EMID1: variants seen among roughly 807,000 people sequenced by gnomAD.
The protein encoded by EMID1 is EMI domain-containing protein 1.
Under a neutral mutation model 60.6 loss-of-function variants are expected in EMID1, and 40 were observed. The observed-to-expected ratio is 0.66, with a 90% CI of 0.51 to 0.86. EMID1 has a LOEUF of 0.86. EMID1 is among the 40% of genes least tolerant of loss of function. The pLI is 0.00. For missense variants in EMID1, 585 were observed against 597.1 expected, an observed-to-expected ratio of 0.98 and a Z score of 0.21; for synonymous variants, 242 against 231.0, an observed-to-expected ratio of 1.05 and a Z score of -0.43.
At chr22:29,207,476 G>T (rs1053156078) in intron 1 of EMID1, among the ~76,000 whole-genome samples, 1 of 151,998 alleles carries the variant, frequency 6.6e-6, no homozygotes, top group Non-Finnish European at 1.5e-5. Flanking sequence ...CAGATGCTAA[G>T]AGGACAGAGA....
At chr22:29,222,246 A>T (rs1173187979) in intron 3 of EMID1, among the ~76,000 whole-genome samples, 3 of 151,886 alleles carry the variant, frequency 2.0e-5, no homozygotes, top group African/African-American at 4.8e-5. Context: ...GGCATGCGCC[A>T]CCATACCCAG....
chr22:29,219,481 A>AAAATAGCCTAAGAAC (rs2040211005), intron 3 of EMID1, among the ~76,000 whole-genome samples: 1 of 152,178 alleles, frequency 6.6e-6, no homozygotes, highest in Non-Finnish European at 1.5e-5. Flanking sequence ...GGTCGACCAC[A>AAAATAGCCTAAGAAC]AAATAGCCTA....
chr22:29,230,776 A>T (rs1677266017), intron 5 of EMID1, among the ~76,000 whole-genome samples: 1 of 152,076 alleles, frequency 6.6e-6, no homozygotes, highest in South Asian at 2.1e-4. Flanking sequence ...ACATAGCGAG[A>T]CCTCGTCTCT....
At chr22:29,222,133 C>T (rs1292708814) in intron 3 of EMID1, among the ~76,000 whole-genome samples, 1 of 152,110 alleles carries the variant, frequency 6.6e-6, no homozygotes, top group Non-Finnish European at 1.5e-5. Context: ...TAGATAGGGT[C>T]TCACTCTTTC....
Position 29,205,989 on chromosome 22 carries a change from C to A in EMID1, c.-50C>A. 2.7e-6 allele frequency: 3 copies of A among 1,123,302 alleles called. No individual in the cohort carries two copies. Among genetic ancestry groups the A allele is most frequent in the Non-Finnish European group, 3.3e-6 (3 of 908,740 alleles). 69.6% of individuals were successfully genotyped at this position (1,123,302 alleles called of 1,614,324 possible). A position where few individuals can be genotyped will look rare whatever the true frequency, so the allele number is the denominator to read the frequency against. On this transcript the variant is annotated 5_prime_UTR_variant, in exon 1 of 15. The change creates a new upstream start codon in the 5' untranslated region. Coordinates refer to ENST00000334018, the MANE Select transcript of EMID1 (RefSeq NM_133455.4). ...CGGGCAGGCAGGCGGGGAGGACAGG[C>A]TGGGGGCGGCGACCGCGAGGGGCCG...
chr22:29,212,627 G>A (rs566672322), intron 1 of EMID1, among the ~76,000 whole-genome samples: 5 of 151,302 alleles, frequency 3.3e-5, no homozygotes, highest in East Asian at 2.0e-4. Context: ...GCAATGGTGC[G>A]ATCTCAGCTC....
At chr22:29,243,306 G>A (rs559106406) in intron 12 of EMID1, 139 bp from the exon 13 acceptor site, 1 of 798,754 alleles carries the variant, frequency 1.3e-6, no homozygotes, top group Admixed American at 2.6e-5. Context: ...GTTGGTTTTT[G>A]CTTTGTATCC....
intron 13 of EMID1, chr22:29,253,822 T>C (rs2041607312): frequency 1.3e-6 from 1 of 750,972 alleles, no homozygotes; most frequent in Non-Finnish European, 1.6e-6. Flanking sequence ...CATGCAGGTG[T>C]TGGGAGAGCA....
In EMID1 at chr22:29,234,308, C is replaced by T. The variant is rs2040864110; in HGVS notation, c.1033C>T (p.Leu345=). ...TCGTCTCCTCCCTCTTACACAGGGA[C>T]TGCGTGGGGAGCCTGGCCCCCAAGG... The part of the protein sequence containing the change: ...GHPGEKGERG[L]RGEPGPQGSA... Residue 345 remains leucine, a synonymous_variant, in exon 12 of 15, where the codon CTG becomes TTG. Coordinates refer to ENST00000334018, the MANE Select transcript of EMID1 (RefSeq NM_133455.4). The T allele has an allele frequency of 1.9e-6, 3 of 1,614,124 alleles. No individual in the cohort carries two copies. Among genetic ancestry groups the T allele is most frequent in the Non-Finnish European group, 2.5e-6 (3 of 1,180,006 alleles).
intron 5 of EMID1, among the ~76,000 whole-genome samples, chr22:29,230,244 A>G (rs985383693): frequency 3.3e-5 from 5 of 151,862 alleles, no homozygotes; most frequent in Non-Finnish European, 7.4e-5. Context: ...GAGGCAGGAG[A>G]ATCACTTGAA....
chr22:29,216,396 T>G, intron 3 of EMID1: 3 of 985,344 alleles, frequency 3.0e-6, no homozygotes, highest in Non-Finnish European at 3.6e-6. Context: ...AGCAGCAGAT[T>G]TTTGGACACC....
intron 1 of EMID1, among the ~76,000 whole-genome samples, chr22:29,207,757 C>T (rs116132406): frequency 0.034 from 5,113 of 152,308 alleles, 186 homozygotes; most frequent in South Asian, 0.092. Flanking sequence ...TGTACAGATA[C>T]GGAGGCTGAG....
intron 1 of EMID1, among the ~76,000 whole-genome samples, chr22:29,212,984 G>T (rs1373246924): frequency 6.6e-6 from 1 of 152,188 alleles, no homozygotes; most frequent in Non-Finnish European, 1.5e-5. Context: ...TGTAGTAGAC[G>T]GAGCAGATGG....
chr22:29,231,035 G>A lies in EMID1; in HGVS notation c.481G>A (p.Val161Ile), dbSNP rs1401733998. 7 of 1,613,824 alleles carry A rather than the reference G, an allele frequency of 4.3e-6. No individual in the cohort carries two copies. ...VLEAKMTMLT[V>I]IEQPVPPTPA... is the part of the protein sequence containing the mutation. Reference sequence around the variant, plus strand: ...TCCTCTTCAGATGACCATGCTGACTGTCATAGAGCAGCCAGTACCTCCAAC... The same window carrying A: ...TCCTCTTCAGATGACCATGCTGACTATCATAGAGCAGCCAGTACCTCCAAC... The change falls in exon 6 of 15, where the codon GTC becomes ATC. Residue 161 changes from valine to isoleucine, a missense_variant. Transcript: ENST00000334018.
In EMID1 at chr22:29,225,200, G is replaced by A. The variant is rs1431115904; in HGVS notation, c.387G>A (p.Arg129=). The change falls in exon 4 of 15, where the codon CGG becomes CGA. Residue 129 remains arginine, a synonymous_variant. Coordinates refer to ENST00000334018, the MANE Select transcript of EMID1 (RefSeq NM_133455.4). Reference sequence around the variant, plus strand: ...GTACCATGCGGCGGATGGCGCTTCGGCCCACAGCCTTCTCAGGTGGGTCCT... The same window carrying A: ...GTACCATGCGGCGGATGGCGCTTCGACCCACAGCCTTCTCAGGTGGGTCCT... ...SGSTMRRMAL[R]PTAFSGCLNC... 4 of 1,613,734 alleles carry A rather than the reference G, an allele frequency of 2.5e-6. No homozygotes were observed. Among genetic ancestry groups the A allele is most frequent in the Non-Finnish European group, 2.5e-6 (3 of 1,179,972 alleles).
In EMID1 at chr22:29,254,373, G is replaced by C. The variant is rs1402981103; in HGVS notation, c.1204+86G>C. Reference sequence around the variant, plus strand: ...CCCTCCTGGGGTGGAACTGGCCTGAGCCCAGTCATGAGGCTGGAGAAGGTG... The same window carrying C: ...CCCTCCTGGGGTGGAACTGGCCTGACCCCAGTCATGAGGCTGGAGAAGGTG... On this transcript the variant is annotated intron_variant, in intron 14 of 14. Transcript: ENST00000334018. The C allele has an allele frequency of 3.8e-6, 5 of 1,322,564 alleles. No homozygotes were observed. The South Asian group carries it at 4.7e-5, about 12-fold the overall frequency. The allele number at this position is 1,322,564 out of a possible 1,614,324, so 81.9% of individuals were successfully genotyped here.
At chr22:29,232,121 C>T in intron 7 of EMID1, 135 bp from the exon 8 acceptor site, 1 of 944,430 alleles carries the variant, frequency 1.1e-6, no homozygotes, top group Admixed American at 2.2e-5. Flanking sequence ...GTTAGACTAC[C>T]AGGCAGCCTA....
At chr22:29,230,763 G>A (rs1371085546) in intron 5 of EMID1, among the ~76,000 whole-genome samples, 2 of 152,210 alleles carry the variant, frequency 1.3e-5, no homozygotes, top group Non-Finnish European at 2.9e-5. Flanking sequence ...ACCAGCCTGG[G>A]CAACATAGCG....
chr22:29,208,569 A>G (rs1156564690), intron 1 of EMID1, among the ~76,000 whole-genome samples: 1 of 152,220 alleles, frequency 6.6e-6, no homozygotes, highest in Non-Finnish European at 1.5e-5. Context: ...TCCTAGGATC[A>G]GGGAGAATGG....
Sources: gnomAD v4.1 joint callset for allele counts (sites outside exome capture counted in the v4.1 genomes callset) on GRCh38, gnomAD v4.1.1 for gene constraint, MANE v1.5 for transcripts, NCBI Gene and HGNC (gene_info 2026-07-23, HGNC 2026-07-21) for gene names.